The following RFX2 variants were observed in gnomAD, a reference collection of about 807,000 sequenced individuals.
RFX2 encodes regulatory factor X2.
Under a neutral mutation model 87.8 loss-of-function variants are expected in RFX2, and 20 were observed. The observed-to-expected ratio is 0.23, with a 90% CI of 0.16 to 0.33. The LOEUF (loss-of-function observed/expected upper bound fraction) is 0.33, where lower values mean the gene tolerates loss of function less well. Among genes scored for constraint, RFX2 ranks in the 10% least tolerant of loss-of-function variants. The pLI is 1.00. For synonymous variants in RFX2, 397 were observed against 431.3 expected (o/e 0.92, Z 0.98); for missense variants, 767 against 1,012.3 (o/e 0.76, Z 3.29).
rs2086462006 is a variant in RFX2 at position 5,999,402 on chromosome 19, C to T, written c.1860-2189G>A. On this transcript the variant is annotated intron_variant, in intron 15 of 17. Coordinates refer to ENST00000303657, the MANE Select transcript of RFX2 (RefSeq NM_000635.4). The surrounding 1 kb of genome is among the most constrained non-coding windows in gnomAD (Gnocchi z 4.1). ...GGCAGGCACCTCAGTCCTGCGCTCA[C>T]TCTGCTCTTCTCAATTCTTCCGCTT... is the stretch of plus-strand genomic sequence containing the variant. Among the ~76,000 whole-genome samples, 1 of 152,150 alleles carries T rather than the reference C, an allele frequency of 6.6e-6. No individual in the cohort carries two copies. The highest frequency in any genetic ancestry group is 6.5e-5 in the Admixed American group (1 of 15,280).
rs2144907920 is a variant in RFX2 at position 6,101,991 on chromosome 19, T to C, written c.-9+8402A>G. ...GGAAATTCTGATGCATGCTACAGCA[T>C]GGATAAGCCTTGAAGACATTGTGCT... is the stretch of plus-strand genomic sequence containing the variant. On this transcript the variant is annotated intron_variant, in intron 1 of 17. Transcript: ENST00000303657. This position sits in a 1 kb window ranked among gnomAD's most constrained non-coding sequence, Gnocchi z 4.9. Among the ~76,000 whole-genome samples, 1 of 152,356 alleles carries C rather than the reference T, an allele frequency of 6.6e-6. No individual in the cohort carries two copies. Among genetic ancestry groups the C allele is most frequent in the South Asian group, 2.1e-4 (1 of 4,830 alleles).
In RFX2 at chr19:6,004,665, G is replaced by A. The variant is rs959989516; in HGVS notation, c.1403-367C>T. 1.2e-4 allele frequency among the ~76,000 whole-genome samples: 18 copies of A among 152,244 alleles called. No individual in the cohort carries two copies. Among genetic ancestry groups the A allele is most frequent in the East Asian group, 5.8e-4 (3 of 5,162 alleles). On this transcript the variant is annotated intron_variant, in intron 12 of 17. Coordinates refer to ENST00000303657, the MANE Select transcript of RFX2 (RefSeq NM_000635.4). This position sits in a 1 kb window ranked among gnomAD's most constrained non-coding sequence, Gnocchi z 4.8. The stretch of plus-strand genomic sequence containing the variant: ...CCAGGAGGGCCCCACCCCAGACAAC[G>A]ATCCAGCCCCAGATATCAACAGTGC...
intron 6 of RFX2, among the ~76,000 whole-genome samples, chr19:6,025,784 CTT>C (rs1217365706): frequency 1.2e-4 from 16 of 130,004 alleles, no homozygotes; most frequent in Non-Finnish European, 8.2e-5. Context: ...TTGTCTTCTT[CTT>C]TTTTTTTTTT....
chr19:6,091,767 A>C (rs750528382), intron 1 of RFX2, among the ~76,000 whole-genome samples: 3 of 152,230 alleles, frequency 2.0e-5, no homozygotes, highest in African/African-American at 4.8e-5. Flanking sequence ...GGTGTGGGGA[A>C]ATCTGTTTCA....
rs577257892 is a variant in RFX2 at position 6,040,264 on chromosome 19, G to T, written c.261-23C>A. 1 of 1,515,572 alleles carries T rather than the reference G, an allele frequency of 6.6e-7. No individual in the cohort carries two copies. Among genetic ancestry groups the T allele is most frequent in the East Asian group, 2.3e-5 (1 of 43,534 alleles). The allele number at this position is 1,515,572 out of a possible 1,614,324, so 93.9% of individuals were successfully genotyped here. On this transcript the variant is annotated intron_variant, in intron 4 of 17. Transcript: ENST00000303657. The surrounding 1 kb of genome is among the most constrained non-coding windows in gnomAD (Gnocchi z 6.1). ...CGTCTGTTAGAAAGAGAGAAGTCAC[G>T]CATGGGACGCTGTCCCATTTAAATG...
chr19:6,002,991 T>A lies in RFX2; in HGVS notation c.1501-121A>T. ...GAGGAGGGAGCAGGAAACAGCAACC[T>A]GGGCAGGGAAGAGGGAACCTCCTGC... On this transcript the variant is annotated intron_variant, in intron 13 of 17. Coordinates refer to ENST00000303657, the MANE Select transcript of RFX2 (RefSeq NM_000635.4). This position sits in a 1 kb window ranked among gnomAD's most constrained non-coding sequence, Gnocchi z 6.7. 2 of 1,146,658 alleles carry A rather than the reference T, an allele frequency of 1.7e-6. No individual in the cohort carries two copies. Among genetic ancestry groups the A allele is most frequent in the East Asian group, 5.1e-5 (2 of 38,844 alleles). The allele number at this position is 1,146,658 out of a possible 1,614,324, so 71.0% of individuals were successfully genotyped here.
Position 6,008,000 on chromosome 19 carries a change from G to T in RFX2, c.1134+106C>A. On this transcript the variant is annotated intron_variant, in intron 10 of 17. Transcript: ENST00000303657. The surrounding 1 kb of genome is among the most constrained non-coding windows in gnomAD (Gnocchi z 8.2). Reference sequence around the variant, plus strand: ...CTTCAGAGAGGATGCTTGTTGGGGGGCTCGGGGCTCCAGCTCCTCAGCGTC... The same window carrying T: ...CTTCAGAGAGGATGCTTGTTGGGGGTCTCGGGGCTCCAGCTCCTCAGCGTC... 1.1e-6 allele frequency: 1 copy of T among 884,926 alleles called. No individual in the cohort carries two copies. The highest frequency in any genetic ancestry group is 1.8e-6 in the Non-Finnish European group (1 of 543,376). 54.8% of individuals were successfully genotyped at this position (884,926 alleles called of 1,614,324 possible).
Position 6,039,918 on chromosome 19 carries a change from G to T in RFX2, c.522+62C>A. On this transcript the variant is annotated intron_variant, in intron 5 of 17. Coordinates refer to ENST00000303657, the MANE Select transcript of RFX2 (RefSeq NM_000635.4). The surrounding 1 kb of genome is among the most constrained non-coding windows in gnomAD (Gnocchi z 5.2). ...CGGCTGCCTCTTACTCACCATCCCT[G>T]CTGCCGCTGCTTCGAGAATACTCAT... 6.8e-7 allele frequency: 1 copy of T among 1,465,546 alleles called. No homozygotes were observed. 90.8% of individuals were successfully genotyped at this position (1,465,546 alleles called of 1,614,324 possible).
chr19:6,005,831 G>C (rs1374176226), intron 12 of RFX2, among the ~76,000 whole-genome samples: 3 of 152,192 alleles, frequency 2.0e-5, no homozygotes, highest in Admixed American at 6.5e-5. Context: ...GTGGCACTCA[G>C]GATGTGTCAC....
intron 1 of RFX2, among the ~76,000 whole-genome samples, chr19:6,086,614 C>T (rs2087859252): frequency 6.6e-6 from 1 of 152,214 alleles, no homozygotes; most frequent in African/African-American, 2.4e-5. Flanking sequence ...TAAGTAATAA[C>T]ACACAAGAAT....
chr19:6,105,133 A>AC (rs1568199655), intron 1 of RFX2, among the ~76,000 whole-genome samples: 1 of 151,994 alleles, frequency 6.6e-6, no homozygotes, highest in East Asian at 1.9e-4. Flanking sequence ...AAAAAAAAAA[A>AC]AGAAGTTAAT....
intron 1 of RFX2, among the ~76,000 whole-genome samples, chr19:6,071,348 G>A (rs553203530): frequency 2.0e-5 from 3 of 152,242 alleles, no homozygotes; most frequent in South Asian, 4.1e-4. Context: ...AGGAGGTCTC[G>A]CCTGTCTTTG....
rs2087078375 is a variant in RFX2, at chr19:6,039,819, G to A, written c.522+161C>T. Among the ~76,000 whole-genome samples the A allele has an allele frequency of 6.6e-6, 1 of 152,236 alleles. No homozygotes were observed. Among genetic ancestry groups the A allele is most frequent in the African/African-American group, 2.4e-5 (1 of 41,466 alleles). ...CTGCAGGCCTGCCTATGGTTGCGTG[G>A]CCCGTCTGAGGCTGGCCCGACTCCA... is the stretch of plus-strand genomic sequence containing the variant. On this transcript the variant is annotated intron_variant, in intron 5 of 17. Coordinates refer to ENST00000303657, the MANE Select transcript of RFX2 (RefSeq NM_000635.4). The surrounding 1 kb of genome is among the most constrained non-coding windows in gnomAD (Gnocchi z 5.2).
intron 1 of RFX2, among the ~76,000 whole-genome samples, chr19:6,070,061 A>G (rs1001549601): frequency 2.0e-5 from 1 of 50,778 alleles, no homozygotes; most frequent in Non-Finnish European, 4.2e-5. Flanking sequence ...ATGGGATGGG[A>G]TGGGATGGGA....
intron 1 of RFX2, among the ~76,000 whole-genome samples, chr19:6,060,196 C>T (rs2087407739): frequency 6.6e-6 from 1 of 152,224 alleles, no homozygotes; most frequent in South Asian, 2.1e-4. Flanking sequence ...CCTCCCCCCA[C>T]TATCTCACAT....
At chr19:6,042,782 C>T (rs1231686623) in intron 3 of RFX2, among the ~76,000 whole-genome samples, 1 of 152,236 alleles carries the variant, frequency 6.6e-6, no homozygotes, top group Non-Finnish European at 1.5e-5. Flanking sequence ...AACATCAGTT[C>T]AGAGCCTCGG....
rs2086853983 is a variant in RFX2, at chr19:6,024,008, G to A, written c.597+2155C>T. ...TTGGTCAGGCTGGTCTGGAACTCCTGACCTCAAGTGGTACACCCGCCTTGG... is the reference window on the plus strand; with the variant it reads ...TTGGTCAGGCTGGTCTGGAACTCCTAACCTCAAGTGGTACACCCGCCTTGG... On this transcript the variant is annotated intron_variant, in intron 6 of 17. Coordinates refer to ENST00000303657, the MANE Select transcript of RFX2 (RefSeq NM_000635.4). The surrounding 1 kb of genome is among the most constrained non-coding windows in gnomAD (Gnocchi z 5.0). Among the ~76,000 whole-genome samples the A allele has an allele frequency of 6.6e-6, 1 of 152,142 alleles. No individual in the cohort carries two copies. Among genetic ancestry groups the A allele is most frequent in the Non-Finnish European group, 1.5e-5 (1 of 68,018 alleles).
rs2087253679 is a variant in RFX2, at chr19:6,050,516, G to C, written c.-8-3012C>G. Among the ~76,000 whole-genome samples, 1 of 152,036 alleles carries C rather than the reference G, an allele frequency of 6.6e-6. No homozygotes were observed. The highest frequency in any genetic ancestry group is 2.4e-5 in the African/African-American group (1 of 41,410). On this transcript the variant is annotated intron_variant, in intron 1 of 17. Transcript: ENST00000303657. The surrounding 1 kb of genome is among the most constrained non-coding windows in gnomAD (Gnocchi z 4.6). ...ATGGGAATCTCAATCAAGAAACAAA[G>C]TATAAAAGGAGAACCAAATAGAAAT... is the stretch of plus-strand genomic sequence containing the variant.
In RFX2 at chr19:6,022,023, T is replaced by A. The variant is rs2144725079; in HGVS notation, c.597+4140A>T. Among the ~76,000 whole-genome samples the A allele has an allele frequency of 6.7e-6, 1 of 148,708 alleles. No individual in the cohort carries two copies. Among genetic ancestry groups the A allele is most frequent in the East Asian group, 2.0e-4 (1 of 5,026 alleles). On this transcript the variant is annotated intron_variant, in intron 6 of 17. Coordinates refer to ENST00000303657, the MANE Select transcript of RFX2 (RefSeq NM_000635.4). This position sits in a 1 kb window ranked among gnomAD's most constrained non-coding sequence, Gnocchi z 6.2. ...GGTGAGGTTGAAGAGCATCTGGGGG[T>A]GGGCATGAGAGGAGCAAGGAGGCGA...
Sources: gnomAD v4.1 joint callset for allele counts (sites outside exome capture counted in the v4.1 genomes callset) on GRCh38, gnomAD v4.1.1 for gene constraint, Gnocchi (gnomAD v3.1) non-coding constraint, MANE v1.5 for transcripts, NCBI Gene and HGNC (gene_info 2026-07-23, HGNC 2026-07-21) for gene names.